Variants in SLC2A12 observed in about 807,000 individuals in gnomAD.
SLC2A12 encodes solute carrier family 2 member 12, also known as solute carrier family 2, facilitated glucose transporter member 12.
A neutral mutation model predicts 41.8 loss-of-function variants in SLC2A12; 23 were observed. The observed-to-expected ratio is 0.55, with a 90% CI of 0.40 to 0.78. SLC2A12 has a LOEUF of 0.78. Among genes scored for constraint, SLC2A12 ranks in the 30% least tolerant of loss-of-function variants. The pLI is 0.00. For synonymous variants in SLC2A12, 295 were observed against 285.9 expected (o/e 1.03, Z -0.32); for missense variants, 654 against 745.6 (o/e 0.88, Z 1.43).
intron 4 of SLC2A12, among the ~76,000 whole-genome samples, chr6:133,993,780 C>G (rs567330907): frequency 6.6e-6 from 1 of 152,064 alleles, no homozygotes; most frequent in Non-Finnish European, 1.5e-5. Context: ...TAAGAGAATT[C>G]GAGGCAGAGA....
At chr6:134,014,096 G>A (rs1776924382) in intron 2 of SLC2A12, among the ~76,000 whole-genome samples, 1 of 152,190 alleles carries the variant, frequency 6.6e-6, no homozygotes, top group African/African-American at 2.4e-5. Flanking sequence ...TGGCACCAGG[G>A]ACTGGTTTTG....
chr6:134,024,098 G>C (rs1777081600), intron 2 of SLC2A12, among the ~76,000 whole-genome samples: 1 of 152,206 alleles, frequency 6.6e-6, no homozygotes, highest in African/African-American at 2.4e-5. Context: ...GTTGGAGTGA[G>C]GGCCCAGCGA....
chr6:133,996,619 A>T (rs1776690781), intron 4 of SLC2A12, among the ~76,000 whole-genome samples: 1 of 152,216 alleles, frequency 6.6e-6, no homozygotes, highest in Admixed American at 6.5e-5. Context: ...AGAAATAGAC[A>T]TTGGGATTTC....
chr6:134,018,653 C>G (rs1325223134), intron 2 of SLC2A12, among the ~76,000 whole-genome samples: 1 of 152,192 alleles, frequency 6.6e-6, no homozygotes, highest in African/African-American at 2.4e-5. Context: ...CTCCTCCAAG[C>G]ATGCCCTTTC....
rs1229530901 is a variant in SLC2A12 at position 134,028,984 on chromosome 6, T to C, written c.841A>G (p.Ile281Val). The stretch of plus-strand genomic sequence containing the variant: ...ACAAAAAATACTAGTGTTAGTCCTA[T>C]CATTATTCGGGTCCGCATGTTGTCT... ...SKDNMRTRIM[I>V]GLTLVFFVQI... The change falls in exon 2 of 5, where the codon ATA (isoleucine) becomes GTA (valine). Residue 281 changes from isoleucine (I) to valine (V), a missense_variant. This residue lies in a region of SLC2A12 where 411 missense variants were observed against 412.1 expected (regional missense o/e 1.00). Coordinates refer to ENST00000275230, the MANE Select transcript of SLC2A12 (RefSeq NM_145176.3). The C allele has an allele frequency of 6.2e-7, 1 of 1,614,232 alleles. No homozygotes were observed. Among genetic ancestry groups the C allele is most frequent in the South Asian group, 1.1e-5 (1 of 91,088 alleles).
intron 2 of SLC2A12, among the ~76,000 whole-genome samples, chr6:134,017,228 A>C (rs937279681): frequency 1.3e-5 from 2 of 152,176 alleles, no homozygotes; most frequent in Non-Finnish European, 2.9e-5. Flanking sequence ...ATGGCCTTGC[A>C]TACTCAATTT....
chr6:134,030,618 A>T (rs1328038611), intron 1 of SLC2A12, among the ~76,000 whole-genome samples: 1 of 152,228 alleles, frequency 6.6e-6, no homozygotes, highest in African/African-American at 2.4e-5. Flanking sequence ...AAAGCAACAG[A>T]GGGAAGAGTA....
chr6:134,048,984 G>A (rs1385642402), intron 1 of SLC2A12, among the ~76,000 whole-genome samples: 2 of 152,142 alleles, frequency 1.3e-5, no homozygotes, highest in African/African-American at 4.8e-5. Context: ...CGAAATTCCA[G>A]GGGGCCCATT....
intron 1 of SLC2A12, among the ~76,000 whole-genome samples, chr6:134,041,824 G>A (rs529000572): frequency 2.0e-5 from 3 of 152,148 alleles, no homozygotes; most frequent in East Asian, 1.9e-4. Flanking sequence ...GGAGACTTTC[G>A]ATGATAGATG....
chr6:134,001,285 T>C (rs1024467581), intron 4 of SLC2A12, among the ~76,000 whole-genome samples: 3 of 152,144 alleles, frequency 2.0e-5, no homozygotes, highest in African/African-American at 7.2e-5. Context: ...AAATATCACC[T>C]GTTCCCCAAA....
At chr6:134,042,172 TTTGAAG>T (rs564164570) in intron 1 of SLC2A12, among the ~76,000 whole-genome samples, 67 of 152,218 alleles carry the variant, frequency 4.4e-4, no homozygotes, top group Non-Finnish European at 8.2e-4. Flanking sequence ...TTTGTGAGGA[TTTGAAG>T]TTGTTTTTAT....
chr6:134,042,820 A>G (rs1293729677), intron 1 of SLC2A12, among the ~76,000 whole-genome samples: 2 of 152,060 alleles, frequency 1.3e-5, no homozygotes, highest in Non-Finnish European at 2.9e-5. Context: ...CAAAAAAATT[A>G]GCTGAGTGTG....
At chr6:134,009,136 A>G (rs2627239) in intron 2 of SLC2A12, 1 of 152,090 alleles carries the variant, frequency 6.6e-6, no homozygotes, top group Non-Finnish European at 1.5e-5. Flanking sequence ...GGACAGTTGC[A>G]CAAAACACCA....
chr6:134,018,753 A>ATTTTTTTT (rs56773136), intron 2 of SLC2A12, among the ~76,000 whole-genome samples: 2 of 150,020 alleles, frequency 1.3e-5, no homozygotes, highest in African/African-American at 2.5e-5. Context: ...AGGTGTGTTC[A>ATTTTTTTT]TTTTTTTTTT....
intron 1 of SLC2A12, among the ~76,000 whole-genome samples, chr6:134,049,077 A>G (rs1359975280): frequency 1.3e-5 from 2 of 152,220 alleles, no homozygotes; most frequent in African/African-American, 4.8e-5. Context: ...CCCAGCTTCC[A>G]TTTAGGAAAA....
intron 2 of SLC2A12, among the ~76,000 whole-genome samples, chr6:134,022,913 C>T (rs1480854916): frequency 6.6e-6 from 1 of 152,202 alleles, no homozygotes; most frequent in Admixed American, 6.5e-5. Flanking sequence ...TCCAAATAAT[C>T]TGTTTACACA....
intron 1 of SLC2A12, among the ~76,000 whole-genome samples, chr6:134,037,428 C>T (rs962267898): frequency 5.9e-5 from 9 of 151,698 alleles, no homozygotes; most frequent in Admixed American, 3.9e-4. Context: ...GGCATGATCT[C>T]GGCTCACTCT....
At chr6:134,026,787 T>A (rs910042626) in intron 2 of SLC2A12, among the ~76,000 whole-genome samples, 1 of 152,246 alleles carries the variant, frequency 6.6e-6, no homozygotes, top group Non-Finnish European at 1.5e-5. Context: ...TGGTCTTCCA[T>A]GTCTTGGACC....
chr6:134,002,211 A>G, intron 3 of SLC2A12, 82 bp from the exon 4 acceptor site: 2 of 1,394,836 alleles, frequency 1.4e-6, no homozygotes, highest in Non-Finnish European at 2.0e-6. Flanking sequence ...TAGGGCATAC[A>G]TAGCACCATA....
Sources: allele counts gnomAD v4.1 joint callset (sites outside exome capture counted in the v4.1 genomes callset), GRCh38; gene constraint gnomAD v4.1.1; regional missense constraint gnomAD v4.1.1; transcripts MANE v1.5; gene names NCBI Gene and HGNC (gene_info 2026-07-23, HGNC 2026-07-21).